The following SCP2 variants were observed in gnomAD, a reference collection of about 807,000 sequenced individuals.
The protein encoded by SCP2 is SCP-2/3-oxoacyl-CoA thiolase.
Under a neutral mutation model 71.4 loss-of-function variants are expected in SCP2, and 48 were observed. The ratio of observed to expected loss-of-function variants is 0.67; its 90% CI spans 0.53 to 0.86. The LOEUF (loss-of-function observed/expected upper bound fraction) is 0.86, where lower values mean the gene tolerates loss of function less well. Ranked by LOEUF, SCP2 falls within the 40% of genes least tolerant of loss-of-function variation. The pLI, the probability that SCP2 is intolerant of heterozygous loss-of-function variation, is 0.00. For missense variants in SCP2, 560 were observed against 655.6 expected (o/e 0.85, Z 1.59); for synonymous variants, 220 against 218.1 (o/e 1.01, Z -0.08).
At chr1:52,930,577 G>A (rs1300083503) in intron 1 of SCP2, among the ~76,000 whole-genome samples, 1 of 152,086 alleles carries the variant, frequency 6.6e-6, no homozygotes, top group Non-Finnish European at 1.5e-5. Context: ...AGTGAGTCCT[G>A]TTTGAGCCAC....
chr1:53,048,060 C>T, intron 15 of SCP2, 123 bp downstream of exon 15: 1 of 734,674 alleles, frequency 1.4e-6, no homozygotes, highest in South Asian at 1.4e-5. Context: ...GTTCCCCAAA[C>T]AGTTGACAGA....
intron 11 of SCP2, chr1:52,993,938 G>T: frequency 1.5e-6 from 2 of 1,353,830 alleles, no homozygotes; most frequent in South Asian, 1.6e-5. Flanking sequence ...TTTATCGGTA[G>T]CCATCAATTG....
chr1:52,967,752 G>A (rs534644251), intron 6 of SCP2, among the ~76,000 whole-genome samples: 4 of 152,314 alleles, frequency 2.6e-5, no homozygotes, highest in African/African-American at 7.2e-5. Flanking sequence ...TAGGTAGAAA[G>A]AGCAGGGAGG....
chr1:52,987,056 G>T (rs1659069058), intron 10 of SCP2, among the ~76,000 whole-genome samples: 1 of 143,952 alleles, frequency 6.9e-6, no homozygotes. Flanking sequence ...TCGCCCAGGG[G>T]TGCACCACCA....
At chr1:52,991,075 C>A (rs1327378060) in intron 11 of SCP2, among the ~76,000 whole-genome samples, 1 of 152,078 alleles carries the variant, frequency 6.6e-6, no homozygotes, top group Non-Finnish European at 1.5e-5. Context: ...AGGGATGTAC[C>A]TGAATTATAG....
At chr1:52,948,442 G>A (rs953559101) in intron 3 of SCP2, among the ~76,000 whole-genome samples, 3 of 151,924 alleles carry the variant, frequency 2.0e-5, no homozygotes, top group East Asian at 1.9e-4. Flanking sequence ...TCAGGAGATC[G>A]AGACCATCTG....
intron 1 of SCP2, among the ~76,000 whole-genome samples, chr1:52,929,572 G>A (rs1652938711): frequency 6.6e-6 from 1 of 152,036 alleles, no homozygotes; most frequent in Non-Finnish European, 1.5e-5. Context: ...AGCCTCCCAA[G>A]TAGGTGGGAT....
chr1:53,019,741 G>A (rs559802152), intron 12 of SCP2, among the ~76,000 whole-genome samples: 11 of 152,232 alleles, frequency 7.2e-5, no homozygotes, highest in South Asian at 2.1e-4. Flanking sequence ...AGGAATGCAC[G>A]CAATAATCTT....
chr1:53,024,753 G>A (rs527372214), intron 12 of SCP2, among the ~76,000 whole-genome samples: 2 of 151,924 alleles, frequency 1.3e-5, no homozygotes, highest in South Asian at 2.1e-4. Context: ...TGTATTTTTA[G>A]TAGAGACGGG....
chr1:53,038,219 G>A (rs555994088), intron 13 of SCP2, among the ~76,000 whole-genome samples: 4 of 137,476 alleles, frequency 2.9e-5, no homozygotes, highest in Admixed American at 8.1e-5. Context: ...CCATTTATAC[G>A]CTTATATATA....
chr1:52,994,881 T>C (rs1572159273), intron 11 of SCP2: 2 of 510,676 alleles, frequency 3.9e-6, no homozygotes, highest in East Asian at 1.0e-4. Context: ...TGTACTACAG[T>C]GAAGCCATAG....
intron 11 of SCP2, among the ~76,000 whole-genome samples, chr1:53,000,149 C>T (rs1660220005): frequency 6.6e-6 from 1 of 150,554 alleles, no homozygotes; most frequent in Non-Finnish European, 1.5e-5. Flanking sequence ...CATGGTGGCT[C>T]ATGCCCATAA....
rs748548793 is a variant in SCP2, at chr1:52,961,145, G to A, written c.397-358G>A. 6.7e-4 allele frequency among the ~76,000 whole-genome samples: 95 copies of A among 141,132 alleles called. 2 individuals are homozygous for A. The highest frequency in any genetic ancestry group is 2.1e-4 in the Non-Finnish European group (14 of 66,810). 92.6% of individuals were successfully genotyped at this position (141,132 alleles called of 152,430 possible). ...CACAACGTGCAGGTTTGTTACATAC[G>A]TATGCATGTGCCATGTTGGTGTGCT... On this transcript the variant is annotated intron_variant, in intron 5 of 15. Transcript: ENST00000371514.
intron 5 of SCP2, among the ~76,000 whole-genome samples, chr1:52,957,391 G>A (rs1372895733): frequency 6.6e-6 from 1 of 151,988 alleles, no homozygotes; most frequent in East Asian, 1.9e-4. Context: ...TTACTGCCTG[G>A]GGTACCCCCC....
At chr1:53,049,366 T>G (rs1228888867) in intron 15 of SCP2, 1 of 152,252 alleles carries the variant, frequency 6.6e-6, no homozygotes, top group African/African-American at 2.4e-5. Context: ...TCTATTAATG[T>G]GCTAATGGAC....
chr1:52,982,346 A>G (rs949234020), intron 10 of SCP2, among the ~76,000 whole-genome samples: 25 of 152,188 alleles, frequency 1.6e-4, no homozygotes, highest in Admixed American at 2.6e-4. Flanking sequence ...CAAGGCGGGC[A>G]GATAACGAGG....
intron 5 of SCP2, among the ~76,000 whole-genome samples, chr1:52,960,542 G>A (rs1388110682): frequency 7.0e-6 from 1 of 143,228 alleles, no homozygotes; most frequent in Non-Finnish European, 1.5e-5. Flanking sequence ...ATATATGTAT[G>A]TATATACATG....
At chr1:52,989,060 T>C (rs1384305943) in intron 11 of SCP2, among the ~76,000 whole-genome samples, 4 of 152,248 alleles carry the variant, frequency 2.6e-5, no homozygotes, top group African/African-American at 9.6e-5. Context: ...TAACGTAAGA[T>C]TTTTACAGCT....
intron 12 of SCP2, among the ~76,000 whole-genome samples, chr1:53,015,498 A>G (rs531403251): frequency 1.3e-5 from 2 of 152,206 alleles, no homozygotes; most frequent in South Asian, 2.1e-4. Context: ...TCAACTGCCC[A>G]TGCTCCTCAA....
Sources: gnomAD v4.1 joint callset for allele counts (sites outside exome capture counted in the v4.1 genomes callset) on GRCh38, gnomAD v4.1.1 for gene constraint, MANE v1.5 for transcripts, NCBI Gene and HGNC (gene_info 2026-07-23, HGNC 2026-07-21) for gene names.